Variants in KDM4C observed in about 807,000 individuals in gnomAD.
The protein encoded by KDM4C is lysine-specific demethylase 4C.
Under a neutral mutation model 129.3 loss-of-function variants are expected in KDM4C, and 81 were observed. That is an observed-to-expected ratio of 0.63 (90% confidence interval 0.52 to 0.75). The LOEUF (loss-of-function observed/expected upper bound fraction) is 0.75. Among genes scored for constraint, KDM4C ranks in the 30% least tolerant of loss-of-function variants. The pLI is 0.00. For synonymous variants in KDM4C, 573 were observed against 456.1 expected (o/e 1.26, Z -3.26); for missense variants, 1,457 against 1,304.0 (o/e 1.12, Z -1.81).
chr9:6,725,026 C>G (rs1441279512), intron 1 of KDM4C, among the ~76,000 whole-genome samples: 1 of 152,134 alleles, frequency 6.6e-6, no homozygotes, highest in African/African-American at 2.4e-5. Flanking sequence ...TCTAGAGGCT[C>G]TCCTCATTCC....
At chr9:7,012,082 C>G (rs1255711317) in intron 13 of KDM4C, among the ~76,000 whole-genome samples, 2 of 152,008 alleles carry the variant, frequency 1.3e-5, no homozygotes, top group African/African-American at 4.8e-5. Flanking sequence ...TTATCTTTTC[C>G]TTTTGAGATA....
intron 8 of KDM4C, among the ~76,000 whole-genome samples, chr9:6,967,484 G>A (rs867170712): frequency 4.0e-5 from 6 of 151,548 alleles, no homozygotes; most frequent in African/African-American, 1.5e-4. Flanking sequence ...AGATTAAAAC[G>A]TTCACAGAAA....
At chr9:7,072,907 C>T (rs1833401059) in intron 17 of KDM4C, among the ~76,000 whole-genome samples, 1 of 152,136 alleles carries the variant, frequency 6.6e-6, no homozygotes, top group Non-Finnish European at 1.5e-5. Context: ...ATCAAAACCA[C>T]ATTTTTAATG....
chr9:6,752,320 G>A (rs1300043181), intron 1 of KDM4C, among the ~76,000 whole-genome samples: 74 of 76,318 alleles, frequency 9.7e-4, no homozygotes, highest in African/African-American at 4.0e-3. Flanking sequence ...GCGACAGAGC[G>A]AAACTCCGTC....
At chr9:7,031,559 T>TTTTA (rs1826777016) in intron 15 of KDM4C, among the ~76,000 whole-genome samples, 1 of 152,184 alleles carries the variant, frequency 6.6e-6, no homozygotes, top group Admixed American at 6.5e-5. Flanking sequence ...AAGAATGGAA[T>TTTTA]ATACAATTGG....
rs568623820 is a variant in KDM4C at position 6,792,937 on chromosome 9, A to G, written c.-17-35A>G. ...TAAAAATGACCTAAAGCATATAATAATTCAGTTCTGTTGACCCTACTGTCT... is the reference window on the plus strand; with the variant it reads ...TAAAAATGACCTAAAGCATATAATAGTTCAGTTCTGTTGACCCTACTGTCT... On this transcript the variant is annotated intron_variant, in intron 1 of 21. Transcript: ENST00000381309. 210 of 1,607,892 alleles carry G rather than the reference A, an allele frequency of 1.3e-4. 2 individuals carry two copies. In the Middle Eastern group the frequency reaches 1.5e-3, roughly 11 times the overall value.
chr9:6,822,960 A>G (rs557370422), intron 4 of KDM4C, among the ~76,000 whole-genome samples: 4 of 152,352 alleles, frequency 2.6e-5, no homozygotes, highest in African/African-American at 9.6e-5. Flanking sequence ...ACAAAGGATC[A>G]TCAGGTTTGT....
chr9:6,971,313 G>T (rs1333797973), intron 8 of KDM4C, among the ~76,000 whole-genome samples: 2 of 152,148 alleles, frequency 1.3e-5, no homozygotes, highest in Non-Finnish European at 2.9e-5. Flanking sequence ...CTGCATTTAT[G>T]ATTCCTTTTT....
At chr9:6,984,731 A>G (rs185701377) in intron 10 of KDM4C, among the ~76,000 whole-genome samples, 207 of 152,144 alleles carry the variant, frequency 1.4e-3, no homozygotes, top group African/African-American at 4.6e-3. Context: ...TTGAATTCAC[A>G]TGAGTAGAGA....
At chr9:6,830,353 A>T (rs141016566) in intron 4 of KDM4C, among the ~76,000 whole-genome samples, 26 of 152,242 alleles carry the variant, frequency 1.7e-4, no homozygotes, top group African/African-American at 5.8e-4. Context: ...TCTGGCTGAG[A>T]TGAGGGAGGT....
Position 6,794,055 on chromosome 9 carries a change from G to A in KDM4C, c.144+923G>A, listed in dbSNP as rs111519893. Reference sequence around the variant, plus strand: ...TCTCCATTCCCTGCTATCACCCCCAGCCCATAGGCAACCACAAACTGACTT... The same window carrying A: ...TCTCCATTCCCTGCTATCACCCCCAACCCATAGGCAACCACAAACTGACTT... On this transcript the variant is annotated intron_variant, in intron 2 of 21. Transcript: ENST00000381309. Among the ~76,000 whole-genome samples, 42 of 152,194 alleles carry A rather than the reference G, an allele frequency of 2.8e-4. 1 individual carries two copies. Among genetic ancestry groups the A allele is most frequent in the African/African-American group, 9.6e-4 (40 of 41,530 alleles).
chr9:7,106,127 C>T (rs935545150), intron 18 of KDM4C, among the ~76,000 whole-genome samples: 1 of 152,194 alleles, frequency 6.6e-6, no homozygotes, highest in Non-Finnish European at 1.5e-5. Context: ...CCATTCGACT[C>T]CAAGTACGGA....
intron 1 of KDM4C, among the ~76,000 whole-genome samples, chr9:6,742,249 C>T (rs1054668699): frequency 9.3e-5 from 14 of 150,738 alleles, no homozygotes; most frequent in Admixed American, 8.6e-4. Flanking sequence ...CTCCTGACCT[C>T]GTCATCCGCC....
intron 4 of KDM4C, among the ~76,000 whole-genome samples, chr9:6,826,002 G>T (rs1833809423): frequency 6.6e-6 from 1 of 152,046 alleles, no homozygotes; most frequent in African/African-American, 2.4e-5. Flanking sequence ...TGTAGAGACG[G>T]GATTTCACTA....
rs776974293 is a variant in KDM4C at position 7,011,897 on chromosome 9, C to T, written c.1968+18C>T. The T allele has an allele frequency of 1.2e-6, 2 of 1,602,808 alleles. No individual in the cohort carries two copies. Among genetic ancestry groups the T allele is most frequent in the East Asian group, 4.5e-5 (2 of 44,760 alleles). On this transcript the variant is annotated intron_variant, in intron 13 of 21. Coordinates refer to ENST00000381309, the MANE Select transcript of KDM4C (RefSeq NM_015061.6). ...ACCACAAGGTAAAGGAGCCTGCTAT[C>T]ATAGTTCCCTTCACTGCTCTGCCTT...
chr9:6,991,104 T>C (rs2025326), intron 12 of KDM4C, among the ~76,000 whole-genome samples: 126,774 of 152,016 alleles, frequency 0.83, 53,422 homozygotes, highest in Non-Finnish European at 0.89. Flanking sequence ...CAAGACAGGG[T>C]CTCGCTCTGT....
At chr9:6,950,110 A>C (rs1399257626) in intron 8 of KDM4C, among the ~76,000 whole-genome samples, 3 of 133,520 alleles carry the variant, frequency 2.2e-5, no homozygotes, top group Middle Eastern at 4.9e-3. Context: ...ATTGAGATAT[A>C]GTGGACAAAT....
At chr9:7,087,703 CA>C (rs1465479607) in intron 17 of KDM4C, among the ~76,000 whole-genome samples, 1 of 152,102 alleles carries the variant, frequency 6.6e-6, no homozygotes, top group Non-Finnish European at 1.5e-5. Flanking sequence ...AGGAATGCTA[CA>C]AAACGTGAAA....
intron 8 of KDM4C, among the ~76,000 whole-genome samples, chr9:6,969,195 C>T (rs1466282566): frequency 6.6e-6 from 1 of 152,204 alleles, no homozygotes; most frequent in Non-Finnish European, 1.5e-5. Context: ...GTCTGCCTCC[C>T]AAAGTGCTGG....
Sources: allele counts gnomAD v4.1 joint callset (sites outside exome capture counted in the v4.1 genomes callset), GRCh38; gene constraint gnomAD v4.1.1; transcripts MANE v1.5; gene names NCBI Gene and HGNC (gene_info 2026-07-23, HGNC 2026-07-21).